GATAD2B: variants seen among roughly 807,000 people sequenced by gnomAD.
The protein encoded by GATAD2B is transcriptional repressor p66-beta.
Under a neutral mutation model 64.3 loss-of-function variants are expected in GATAD2B, and 8 were observed. The observed-to-expected ratio is 0.12, with a 90% confidence interval of 0.07 to 0.22. The LOEUF (loss-of-function observed/expected upper bound fraction) is 0.22, where lower values mean the gene tolerates loss of function less well. Ranked by LOEUF, GATAD2B falls within the 10% of genes least tolerant of loss-of-function variation. The pLI is 1.00. For synonymous variants in GATAD2B, 281 were observed against 271.3 expected, an observed-to-expected ratio of 1.04 and a Z score of -0.35; for missense variants, 453 against 752.0, an observed-to-expected ratio of 0.60 and a Z score of 4.65.
intron 4 of GATAD2B, 88 bp from the exon 5 acceptor site, chr1:153,818,259 G>T: frequency 8.6e-7 from 1 of 1,161,988 alleles, no homozygotes; most frequent in Non-Finnish European, 1.2e-6. Flanking sequence ...TTCCTGGTCA[G>T]TGTGAGGTTC....
chr1:153,891,606 G>A (rs1389604565), intron 1 of GATAD2B, among the ~76,000 whole-genome samples: 6 of 124,444 alleles, frequency 4.8e-5, no homozygotes, highest in African/African-American at 1.2e-4. Flanking sequence ...AAAGAGGTGG[G>A]GGGGAGAGGC....
chr1:153,883,911 T>C (rs1367688682), intron 1 of GATAD2B, among the ~76,000 whole-genome samples: 2 of 152,180 alleles, frequency 1.3e-5, no homozygotes, highest in Non-Finnish European at 2.9e-5. Context: ...TTAAGAACTA[T>C]ATAGTGGGCA....
intron 1 of GATAD2B, chr1:153,852,645 G>C (rs1480637514): frequency 2.4e-6 from 2 of 837,158 alleles, no homozygotes; most frequent in African/African-American, 1.7e-5. Context: ...GTGAACAGAA[G>C]AACGGAGCTG....
intron 1 of GATAD2B, among the ~76,000 whole-genome samples, chr1:153,879,478 A>G (rs1223411636): frequency 6.6e-6 from 1 of 152,166 alleles, no homozygotes; most frequent in Non-Finnish European, 1.5e-5. Flanking sequence ...AAGAAAAGAC[A>G]TCAGGCCGGG....
chr1:153,902,855 C>G (rs1374678260), intron 1 of GATAD2B, among the ~76,000 whole-genome samples: 1 of 152,174 alleles, frequency 6.6e-6, no homozygotes, highest in Non-Finnish European at 1.5e-5. Context: ...CTTTTACATA[C>G]TACTTTACAT....
chr1:153,922,318 A>G (rs1383372304), intron 1 of GATAD2B, among the ~76,000 whole-genome samples: 1 of 133,712 alleles, frequency 7.5e-6, no homozygotes, highest in African/African-American at 2.8e-5. Flanking sequence ...CGCGCTAGAG[A>G]GGAAAGGAGG....
intron 1 of GATAD2B, among the ~76,000 whole-genome samples, chr1:153,900,625 T>G (rs977228282): frequency 1.3e-5 from 2 of 152,080 alleles, no homozygotes; most frequent in African/African-American, 2.4e-5. Flanking sequence ...AATCAACCCT[T>G]CCACCTTAGC....
At chr1:153,896,900 T>A (rs1052224206) in intron 1 of GATAD2B, among the ~76,000 whole-genome samples, 2 of 152,212 alleles carry the variant, frequency 1.3e-5, no homozygotes, top group African/African-American at 4.8e-5. Context: ...TTGCTTTTTA[T>A]ATCCAAGGCA....
chr1:153,889,809 A>G (rs1677314347), intron 1 of GATAD2B: 2 of 153,998 alleles, frequency 1.3e-5, no homozygotes, highest in Admixed American at 1.3e-4. Flanking sequence ...CTATTTGGGT[A>G]TGTAAGTTCT....
Position 153,852,988 on chromosome 1 carries a change from G to A in GATAD2B, c.-1-24640C>T, listed in dbSNP as rs1675956464. The stretch of plus-strand genomic sequence containing the variant: ...GACTTGGGTCTTCTCCACAGTGCCA[G>A]TCACTACCCCTTTGGTCTTGTCCAT... On this transcript the variant is annotated intron_variant, in intron 1 of 10. Transcript: ENST00000368655. 3.8e-6 allele frequency: 4 copies of A among 1,040,394 alleles called. No individual in the cohort carries two copies. In the East Asian group the frequency reaches 9.5e-5, roughly 25 times the overall value. The allele number at this position is 1,040,394 out of a possible 1,614,324, so 64.4% of individuals were successfully genotyped here.
At chr1:153,918,354 T>A (rs1678334073) in intron 1 of GATAD2B, among the ~76,000 whole-genome samples, 1 of 152,200 alleles carries the variant, frequency 6.6e-6, no homozygotes, top group African/African-American at 2.4e-5. Flanking sequence ...CTGCCACATA[T>A]TAGTTCATCC....
At position 153,804,938 on chromosome 1, in the gene GATAD2B, A is replaced by G. The variant is rs1674066081; in HGVS notation, c.*5239T>C. 1 of 152,300 alleles carries G rather than the reference A, an allele frequency of 6.6e-6. No individual in the cohort carries two copies. The highest frequency in any genetic ancestry group is 2.4e-5 in the African/African-American group (1 of 41,450). The allele number at this position is 152,300 out of a possible 1,614,324, so 9.4% of individuals were successfully genotyped here. The stretch of plus-strand genomic sequence containing the variant: ...TTAGTTTTTTCATTTTATTTCCCAA[A>G]CACAATGCAGAAAATCAGAATGAGT... On this transcript the variant is annotated 3_prime_UTR_variant, in exon 11 of 11. Transcript: ENST00000368655.
chr1:153,885,863 C>CAAA (rs778577435), intron 1 of GATAD2B, among the ~76,000 whole-genome samples: 1,909 of 53,578 alleles, frequency 0.036, 61 homozygotes, highest in African/African-American at 0.11. Context: ...ACTCCGTCTC[C>CAAA]AAAAAAAAAA....
chr1:153,859,110 C>T (rs1219336017), intron 1 of GATAD2B, among the ~76,000 whole-genome samples: 1 of 152,030 alleles, frequency 6.6e-6, no homozygotes, highest in Non-Finnish European at 1.5e-5. Flanking sequence ...TGCAGTGGCT[C>T]CCAGCACTTT....
chr1:153,889,413 C>CAAAAAAAAAAAAAA (rs71093299), intron 1 of GATAD2B, among the ~76,000 whole-genome samples: 2 of 67,908 alleles, frequency 2.9e-5, no homozygotes, highest in African/African-American at 6.1e-5. Context: ...ACCCCGTCTC[C>CAAAAAAAAAAAAAA]AAAAAAAAAA....
chr1:153,893,337 C>T (rs952275204), intron 1 of GATAD2B, among the ~76,000 whole-genome samples: 8 of 152,204 alleles, frequency 5.3e-5, no homozygotes, highest in African/African-American at 1.9e-4. Flanking sequence ...GGGCACGGGC[C>T]GGCTCACATC....
intron 1 of GATAD2B, among the ~76,000 whole-genome samples, chr1:153,896,107 C>T (rs965284206): frequency 6.6e-6 from 1 of 151,872 alleles, no homozygotes; most frequent in Non-Finnish European, 1.5e-5. Flanking sequence ...CTGTAGTAAG[C>T]TATGATACAG....
intron 1 of GATAD2B, among the ~76,000 whole-genome samples, chr1:153,875,765 C>A (rs895223392): frequency 7.3e-5 from 11 of 151,668 alleles, no homozygotes; most frequent in Admixed American, 2.0e-4. Flanking sequence ...ATAAACAAAC[C>A]CAACAGACAG....
At chr1:153,850,049 T>A (rs980613493) in intron 1 of GATAD2B, among the ~76,000 whole-genome samples, 3 of 152,110 alleles carry the variant, frequency 2.0e-5, no homozygotes, top group African/African-American at 7.3e-5. Context: ...TGTTTTCTTA[T>A]TTTTTGTCAC....
Sources: allele counts gnomAD v4.1 joint callset (sites outside exome capture counted in the v4.1 genomes callset), GRCh38; gene constraint gnomAD v4.1.1; transcripts MANE v1.5; gene names NCBI Gene and HGNC (gene_info 2026-07-23, HGNC 2026-07-21).